The following ZSWIM5 variants were observed in gnomAD, a reference collection of about 807,000 sequenced individuals.
ZSWIM5 encodes the protein zinc finger SWIM-type containing 5, also known as zinc finger SWIM domain-containing protein 5.
ZSWIM5 carries 55 observed loss-of-function variants against 119.6 expected under a neutral mutation model. The ratio of observed to expected loss-of-function variants is 0.46; its 90% CI spans 0.37 to 0.58. The LOEUF (loss-of-function observed/expected upper bound fraction) is 0.58, where lower values mean the gene tolerates loss of function less well. Among genes scored for constraint, ZSWIM5 ranks in the 20% least tolerant of loss-of-function variants. ZSWIM5 has a pLI of 0.00. For missense variants in ZSWIM5, 1,193 were observed against 1,512.8 expected, an observed-to-expected ratio of 0.79 and a Z score of 3.51; for synonymous variants, 537 against 606.9, an observed-to-expected ratio of 0.88 and a Z score of 1.69.
chr1:45,186,448 G>GA (rs879364898), intron 1 of ZSWIM5, among the ~76,000 whole-genome samples: 41 of 141,110 alleles, frequency 2.9e-4, no homozygotes, highest in East Asian at 1.2e-3. Context: ...TGAACCTCAG[G>GA]AAAAAAAAAA....
chr1:45,180,125 C>T (rs1254272486), intron 1 of ZSWIM5, among the ~76,000 whole-genome samples: 3 of 152,162 alleles, frequency 2.0e-5, no homozygotes, highest in African/African-American at 4.8e-5. Flanking sequence ...CGAAGCAGGG[C>T]GAGGCACTGA....
chr1:45,117,199 A>C (rs1437978599), intron 1 of ZSWIM5, among the ~76,000 whole-genome samples: 1 of 152,250 alleles, frequency 6.6e-6, no homozygotes, highest in East Asian at 1.9e-4. Flanking sequence ...GTGGAGTGTT[A>C]GGGTGAAGGC....
chr1:45,102,915 T>G (rs185468102), intron 1 of ZSWIM5, among the ~76,000 whole-genome samples: 2 of 152,268 alleles, frequency 1.3e-5, no homozygotes, highest in Non-Finnish European at 2.9e-5. Flanking sequence ...TAGGCTGGAA[T>G]GTACTGGCAT....
Position 45,042,216 on chromosome 1 carries a change from A to T in ZSWIM5, c.1609+1003T>A, listed in dbSNP as rs77303035. 9.8e-3 allele frequency among the ~76,000 whole-genome samples: 1,496 copies of T among 152,320 alleles called. 26 individuals carry two copies. Among genetic ancestry groups the T allele is most frequent in the African/African-American group, 0.034 (1,425 of 41,550 alleles). ...AGAAGAAATACCCTTCAGAAAGACT[A>T]AGTATTTACACTCCTATAAGTAGTA... On this transcript the variant is annotated intron_variant, in intron 6 of 13. Coordinates refer to ENST00000359600, the MANE Select transcript of ZSWIM5 (RefSeq NM_020883.2).
chr1:45,193,453 A>C (rs184490303), intron 1 of ZSWIM5, among the ~76,000 whole-genome samples: 6 of 152,324 alleles, frequency 3.9e-5, no homozygotes, highest in East Asian at 1.9e-4. Flanking sequence ...AAACAGAAAG[A>C]AAGCCAGAAT....
intron 1 of ZSWIM5, among the ~76,000 whole-genome samples, chr1:45,141,540 A>G: frequency 6.6e-6 from 1 of 152,170 alleles, no homozygotes; most frequent in East Asian, 1.9e-4. Context: ...GCCAGGTTGA[A>G]ACTTGGGGTC....
chr1:45,057,324 GT>G lies in ZSWIM5; in HGVS notation c.1252+1284del. ...GAGGGTTTCTTGGATGGTAGGTACA[GT>G]AATTTGTTAGATATGAAAATGCCAG... On this transcript the variant is annotated intron_variant, in intron 4 of 13. Coordinates refer to ENST00000359600, the MANE Select transcript of ZSWIM5 (RefSeq NM_020883.2). This position sits in a 1 kb window ranked among gnomAD's most constrained non-coding sequence, Gnocchi z 4.7. 6.6e-6 allele frequency among the ~76,000 whole-genome samples: 1 copy of G among 152,370 alleles called. No homozygotes were observed. Among genetic ancestry groups the G allele is most frequent in the South Asian group, 2.1e-4 (1 of 4,832 alleles).
intron 1 of ZSWIM5, among the ~76,000 whole-genome samples, chr1:45,106,400 G>C (rs1277711630): frequency 3.4e-5 from 5 of 146,780 alleles, no homozygotes; most frequent in African/African-American, 1.3e-4. Flanking sequence ...GGGAAGTGAG[G>C]AGCGCCTCTG....
chr1:45,118,037 A>G (rs1380958650), intron 1 of ZSWIM5, among the ~76,000 whole-genome samples: 4 of 151,636 alleles, frequency 2.6e-5, no homozygotes, highest in Non-Finnish European at 5.9e-5. Flanking sequence ...AGGCAGGCAG[A>G]GCTTGCAGGG....
intron 1 of ZSWIM5, among the ~76,000 whole-genome samples, chr1:45,123,113 C>T (rs1325162851): frequency 6.6e-6 from 1 of 152,162 alleles, no homozygotes; most frequent in Non-Finnish European, 1.5e-5. Context: ...TGCTCCCTTC[C>T]TACCTCTGCC....
At chr1:45,099,958 A>G (rs1024899403) in intron 1 of ZSWIM5, among the ~76,000 whole-genome samples, 13 of 152,180 alleles carry the variant, frequency 8.5e-5, no homozygotes, top group African/African-American at 3.1e-4. Flanking sequence ...ATGGGCAAAA[A>G]CTGGAAGCAT....
Position 45,018,403 on chromosome 1 carries a change from C to G in ZSWIM5, c.*51G>C. 1 of 1,584,050 alleles carries G rather than the reference C, an allele frequency of 6.3e-7. No homozygotes were observed. The highest frequency in any genetic ancestry group is 8.6e-7 in the Non-Finnish European group (1 of 1,165,336). On this transcript the variant is annotated 3_prime_UTR_variant, in exon 14 of 14. Coordinates refer to ENST00000359600, the MANE Select transcript of ZSWIM5 (RefSeq NM_020883.2). This position sits in a 1 kb window ranked among gnomAD's most constrained non-coding sequence, Gnocchi z 6.7. ...AATGTTTCAGTGCCCTTGGCCTGAC[C>G]TGATACTACCTGGGAACCCAGGCTG...
At chr1:45,159,110 C>G (rs1645848099) in intron 1 of ZSWIM5, among the ~76,000 whole-genome samples, 1 of 152,012 alleles carries the variant, frequency 6.6e-6, no homozygotes, top group Non-Finnish European at 1.5e-5. Context: ...AAAGCTTAAC[C>G]TAAAAGCATT....
At position 45,121,220 on chromosome 1, in the gene ZSWIM5, G is replaced by A. The variant is rs145334855; in HGVS notation, c.596-32983C>T. 2.7e-3 allele frequency among the ~76,000 whole-genome samples: 414 copies of A among 152,246 alleles called. 1 individual carries two copies. The highest frequency in any genetic ancestry group is 4.3e-3 in the Non-Finnish European group (294 of 68,018). On this transcript the variant is annotated intron_variant, in intron 1 of 13. Coordinates refer to ENST00000359600, the MANE Select transcript of ZSWIM5 (RefSeq NM_020883.2). Reference sequence around the variant, plus strand: ...CTCGTCTCAGCCTCCCAAAGTGTTCGGATTACAGGCGTGAGCCACAGCACC... The same window carrying A: ...CTCGTCTCAGCCTCCCAAAGTGTTCAGATTACAGGCGTGAGCCACAGCACC...
intron 1 of ZSWIM5, among the ~76,000 whole-genome samples, chr1:45,145,133 A>C (rs1645752555): frequency 6.6e-6 from 1 of 152,192 alleles, no homozygotes; most frequent in Non-Finnish European, 1.5e-5. Flanking sequence ...ATACCAGTGA[A>C]AATGAGTAAA....
chr1:45,144,653 C>A (rs1255303704), intron 1 of ZSWIM5, among the ~76,000 whole-genome samples: 1 of 152,072 alleles, frequency 6.6e-6, no homozygotes, highest in Non-Finnish European at 1.5e-5. Flanking sequence ...CATCAATAAG[C>A]AAAATGAATA....
chr1:45,056,766 T>C (rs1645126280), intron 4 of ZSWIM5, among the ~76,000 whole-genome samples: 1 of 151,926 alleles, frequency 6.6e-6, no homozygotes, highest in Non-Finnish European at 1.5e-5. Flanking sequence ...CACGTAAGGG[T>C]TGGCCTTTCA....
rs1465206005 is a variant in ZSWIM5 at position 45,019,286 on chromosome 1, C to T, written c.2726G>A (p.Ser909Asn). Residue 909 changes from serine (S) to asparagine (N), a missense_variant, in exon 14 of 14, where the codon AGC (serine) becomes AAC (asparagine). By Grantham distance (46) the Ser-to-Asn change is conservative. Around this residue, in one of 2 missense-constraint regions of ZSWIM5, gnomAD observed 961 missense variants for 1,290.0 expected, o/e 0.74. Transcript: ENST00000359600. This position sits in a 1 kb window ranked among gnomAD's most constrained non-coding sequence, Gnocchi z 5.0. ...AGTAGGGGTGAAGAGTGTGTACCAG[C>T]TCTGCAAGATGCTCACCAGGGCCCG... Reference protein sequence around the residue: ...GVRALVSILQSWYTLFTPTEA... With the variant: ...GVRALVSILQNWYTLFTPTEA... 6 of 1,612,834 alleles carry T rather than the reference C, an allele frequency of 3.7e-6. No homozygotes were observed. Among genetic ancestry groups the T allele is most frequent in the Non-Finnish European group, 5.1e-6 (6 of 1,179,872 alleles).
chr1:45,126,210 T>G (rs28872174), intron 1 of ZSWIM5, among the ~76,000 whole-genome samples: 1 of 136,740 alleles, frequency 7.3e-6, no homozygotes, highest in Admixed American at 7.1e-5. Context: ...AAGAAATCCA[T>G]GAAACTGAAA....
Sources: allele counts gnomAD v4.1 joint callset (sites outside exome capture counted in the v4.1 genomes callset), GRCh38; gene constraint gnomAD v4.1.1; regional missense constraint gnomAD v4.1.1; non-coding constraint Gnocchi (gnomAD v3.1); transcripts MANE v1.5; gene names NCBI Gene and HGNC (gene_info 2026-07-23, HGNC 2026-07-21).